The following TMEM154 variants were observed in gnomAD, a reference collection of about 807,000 sequenced individuals.
TMEM154 encodes the protein transmembrane protein 154.
TMEM154 carries 27 observed loss-of-function variants against 24.5 expected under a neutral mutation model. The observed-to-expected ratio is 1.10, with a 90% confidence interval of 0.81 to 1.52. The LOEUF (loss-of-function observed/expected upper bound fraction) is 1.52. Ranked by LOEUF, TMEM154 falls within the 40% of genes most tolerant of loss-of-function variation. The probability of loss-of-function intolerance (pLI) is 0.00; values close to 1 mark genes in which losing one functional copy is unlikely to be tolerated. For missense variants in TMEM154, 228 were observed against 213.4 expected, an observed-to-expected ratio of 1.07 and a Z score of -0.43; for synonymous variants, 67 against 76.8, an observed-to-expected ratio of 0.87 and a Z score of 0.67.
intron 1 of TMEM154, among the ~76,000 whole-genome samples, chr4:152,671,554 C>T (rs898919789): frequency 6.6e-5 from 10 of 150,910 alleles, no homozygotes; most frequent in Admixed American, 3.3e-4. Context: ...GAGACCATCC[C>T]GGCTAAAACG....
chr4:152,631,056 A>G (rs1387484529), intron 6 of TMEM154, among the ~76,000 whole-genome samples: 3 of 152,198 alleles, frequency 2.0e-5, no homozygotes, highest in African/African-American at 7.2e-5. Context: ...TATTATAAAC[A>G]TTGCTACATC....
intron 1 of TMEM154, 108 bp from the exon 2 acceptor site, chr4:152,653,035 C>G (rs1009623988): frequency 2.5e-6 from 3 of 1,212,534 alleles, no homozygotes; most frequent in Non-Finnish European, 3.4e-6. Context: ...TAAATTTGAC[C>G]CACTATACTT....
chr4:152,644,292 C>T (rs1396035947), intron 4 of TMEM154, 123 bp downstream of exon 4: 4 of 1,091,646 alleles, frequency 3.7e-6, no homozygotes, highest in East Asian at 5.0e-5. Context: ...GATCTCCAAC[C>T]CCGCCTGGGA....
intron 1 of TMEM154, among the ~76,000 whole-genome samples, chr4:152,658,590 C>T (rs1728536437): frequency 6.9e-6 from 1 of 144,202 alleles, no homozygotes; most frequent in Non-Finnish European, 1.5e-5. Context: ...GGAGGATCAC[C>T]TGAGGTCAGG....
At chr4:152,654,056 GA>G (rs1217209179) in intron 1 of TMEM154, among the ~76,000 whole-genome samples, 1 of 151,334 alleles carries the variant, frequency 6.6e-6, no homozygotes, top group African/African-American at 2.4e-5. Flanking sequence ...AAAAGAAAAA[GA>G]AAAAAGAAAA....
chr4:152,671,601 G>T (rs1041455838), intron 1 of TMEM154, among the ~76,000 whole-genome samples: 12 of 150,768 alleles, frequency 8.0e-5, no homozygotes, highest in African/African-American at 2.9e-4. Flanking sequence ...CAAAAAATTA[G>T]CCGGGCGTAG....
At chr4:152,667,771 A>C (rs760936829) in intron 1 of TMEM154, among the ~76,000 whole-genome samples, 4 of 152,252 alleles carry the variant, frequency 2.6e-5, no homozygotes, top group Admixed American at 6.5e-5. Flanking sequence ...CCACCAGATA[A>C]CTAGAGGTGA....
Position 152,628,593 on chromosome 4 carries a change from C to CAA in TMEM154, c.537-34_537-33dup, listed in dbSNP as rs531179875. 9.8e-5 allele frequency: 44 copies of CAA among 450,432 alleles called. 2 individuals carry two copies. The African/African-American group carries it at 1.6e-3, about 16-fold the overall frequency. 27.9% of individuals were successfully genotyped at this position (450,432 alleles called of 1,614,324 possible). A position where few individuals can be genotyped will look rare whatever the true frequency, so the allele number is the denominator to read the frequency against. Reference sequence around the variant, plus strand: ...AAAAAAAAAAAAAAAAAAAAAAAAACAAAAAAAACACACACACACACACAA... The same window carrying CAA: ...AAAAAAAAAAAAAAAAAAAAAAAAACAAAAAAAAAACACACACACACACACAA... On this transcript the variant is annotated intron_variant, in intron 6 of 6. Coordinates refer to ENST00000304385, the MANE Select transcript of TMEM154 (RefSeq NM_152680.3).
In TMEM154 at chr4:152,652,713, G is replaced by A. The variant is rs780243445; in HGVS notation, c.279C>T (p.Ser93=). ...PLILLVLLLL[S]VVFLATYYKR... is the part of the protein sequence containing the mutation. Reference sequence around the variant, plus strand: ...TATAGTATGTTGCAAGGAATACCACGGATAAAAGTAAGAGGACCAATAAAA... The same window carrying A: ...TATAGTATGTTGCAAGGAATACCACAGATAAAAGTAAGAGGACCAATAAAA... The change falls in exon 2 of 7, where the codon TCC becomes TCT. Residue 93 remains serine, a synonymous_variant. Coordinates refer to ENST00000304385, the MANE Select transcript of TMEM154 (RefSeq NM_152680.3). 17 of 1,613,824 alleles carry A rather than the reference G, an allele frequency of 1.1e-5. No homozygotes were observed. Among genetic ancestry groups the A allele is most frequent in the East Asian group, 4.5e-5 (2 of 44,840 alleles).
In TMEM154 at chr4:152,621,429, T is replaced by C. The variant is rs1279032016; in HGVS notation, c.*7117A>G. On this transcript the variant is annotated 3_prime_UTR_variant, in exon 7 of 7. Transcript: ENST00000304385. The stretch of plus-strand genomic sequence containing the variant: ...TGAATGCTGGTCAAGATGCATCCTT[T>C]CCCTAACTCTGTGGGACTGCATGCT... 1 of 152,210 alleles carries C rather than the reference T, an allele frequency of 6.6e-6. No individual in the cohort carries two copies. The highest frequency in any genetic ancestry group is 1.9e-4 in the East Asian group (1 of 5,202). The allele number at this position is 152,210 out of a possible 1,614,324, so 9.4% of individuals were successfully genotyped here. A position where few individuals can be genotyped will look rare whatever the true frequency, so the allele number is the denominator to read the frequency against.
rs1341822503 is a variant in TMEM154 at position 152,623,496 on chromosome 4, A to G, written c.*5050T>C. On this transcript the variant is annotated 3_prime_UTR_variant, in exon 7 of 7. Coordinates refer to ENST00000304385, the MANE Select transcript of TMEM154 (RefSeq NM_152680.3). ...CCGACATCAGAGTAATACATTGCTT[A>G]CTCTCCACTGATTTGTACACTGGAA... The G allele has an allele frequency of 6.6e-6, 1 of 152,142 alleles. No homozygotes were observed. The highest frequency in any genetic ancestry group is 1.9e-4 in the East Asian group (1 of 5,200). The allele number at this position is 152,142 out of a possible 1,614,324, so 9.4% of individuals were successfully genotyped here.
intron 1 of TMEM154, among the ~76,000 whole-genome samples, chr4:152,654,388 C>T (rs1728449163): frequency 6.6e-6 from 1 of 152,254 alleles, no homozygotes; most frequent in African/African-American, 2.4e-5. Flanking sequence ...AATGATCAAA[C>T]TGGACATTGC....
intron 1 of TMEM154, among the ~76,000 whole-genome samples, chr4:152,672,426 G>A (rs1048654827): frequency 1.1e-4 from 17 of 152,212 alleles, no homozygotes; most frequent in African/African-American, 3.6e-4. Context: ...TGAAGATCAA[G>A]GATAAGAGAG....
chr4:152,651,200 T>A (rs972698081), intron 3 of TMEM154, among the ~76,000 whole-genome samples: 1 of 150,286 alleles, frequency 6.7e-6, no homozygotes, highest in African/African-American at 2.5e-5. Flanking sequence ...TTTTTTTTTT[T>A]AAGTAGGGAC....
intron 1 of TMEM154, among the ~76,000 whole-genome samples, chr4:152,670,288 C>G (rs1203102757): frequency 6.6e-6 from 1 of 152,156 alleles, no homozygotes; most frequent in African/African-American, 2.4e-5. Context: ...ACTGTTCATA[C>G]ATTAAAAGAT....
chr4:152,651,739 G>T (rs987199291), intron 3 of TMEM154, among the ~76,000 whole-genome samples: 60 of 152,186 alleles, frequency 3.9e-4, no homozygotes, highest in African/African-American at 1.4e-3. Flanking sequence ...TTTCCTTCAA[G>T]AACTTTTTCT....
rs1213272751 is a variant in TMEM154 at position 152,619,955 on chromosome 4, T to C, written c.*8591A>G. 1 of 152,244 alleles carries C rather than the reference T, an allele frequency of 6.6e-6. No homozygotes were observed. Among genetic ancestry groups the C allele is most frequent in the African/African-American group, 2.4e-5 (1 of 41,468 alleles). 9.4% of individuals were successfully genotyped at this position (152,244 alleles called of 1,614,324 possible). ...CAGCAATAGACTGCTGAAACACCCATCCAATCAGGTTTTCTCTCTTGGGAA... is the reference window on the plus strand; with the variant it reads ...CAGCAATAGACTGCTGAAACACCCACCCAATCAGGTTTTCTCTCTTGGGAA... On this transcript the variant is annotated 3_prime_UTR_variant, in exon 7 of 7. Coordinates refer to ENST00000304385, the MANE Select transcript of TMEM154 (RefSeq NM_152680.3).
rs796661271 is a variant in TMEM154 at position 152,627,699 on chromosome 4, T to C, written c.*847A>G. On this transcript the variant is annotated 3_prime_UTR_variant, in exon 7 of 7. Transcript: ENST00000304385. ...AACCACCTTCAGGATCTCTGAAACA[T>C]AGAAGGCTGACAGATGACTCCCACC... 7.2e-5 allele frequency: 11 copies of C among 152,338 alleles called. No individual in the cohort carries two copies. Among genetic ancestry groups the C allele is most frequent in the African/African-American group, 2.6e-4 (11 of 41,580 alleles). The allele number at this position is 152,338 out of a possible 1,614,324, so 9.4% of individuals were successfully genotyped here. A position where few individuals can be genotyped will look rare whatever the true frequency, so the allele number is the denominator to read the frequency against.
At chr4:152,651,708 T>C (rs570869920) in intron 3 of TMEM154, among the ~76,000 whole-genome samples, 1 of 152,252 alleles carries the variant, frequency 6.6e-6, no homozygotes, top group Non-Finnish European at 1.5e-5. Flanking sequence ...TCATTGTATG[T>C]TCACTGAGTA....
Sources: gnomAD v4.1 joint callset for allele counts (sites outside exome capture counted in the v4.1 genomes callset) on GRCh38, gnomAD v4.1.1 for gene constraint, MANE v1.5 for transcripts, NCBI Gene and HGNC (gene_info 2026-07-23, HGNC 2026-07-21) for gene names.